PRKN: variants seen among roughly 807,000 people sequenced by gnomAD.
PRKN encodes E3 ubiquitin-protein ligase parkin.
Under a neutral mutation model 59.5 loss-of-function variants are expected in PRKN, and 56 were observed. That is an observed-to-expected ratio of 0.94 (90% confidence interval 0.76 to 1.18). PRKN has a LOEUF of 1.18. PRKN is among the 50% of genes most tolerant of loss of function. The pLI, the probability that PRKN is intolerant of heterozygous loss-of-function variation, is 0.00. For synonymous variants in PRKN, 250 were observed against 222.1 expected (o/e 1.13, Z -1.12); for missense variants, 657 against 596.4 (o/e 1.10, Z -1.06).
chr6:162,503,042 T>C (rs145639743), intron 1 of PRKN, among the ~76,000 whole-genome samples: 201 of 152,030 alleles, frequency 1.3e-3, no homozygotes, highest in African/African-American at 4.6e-3. Flanking sequence ...TGGACTGTTT[T>C]TGAAGCATCA....
intron 1 of PRKN, among the ~76,000 whole-genome samples, chr6:162,472,973 C>G (rs913880846): frequency 6.6e-6 from 1 of 151,676 alleles, no homozygotes; most frequent in Non-Finnish European, 1.5e-5. Context: ...CATGGTTATT[C>G]AATTAAGGAA....
At position 161,551,211 on chromosome 6, in the gene PRKN, C is replaced by A. The variant is rs960523085; in HGVS notation, c.934-2208G>T. On this transcript the variant is annotated intron_variant, in intron 8 of 11. Transcript: ENST00000366898. This position sits in a 1 kb window ranked among gnomAD's most constrained non-coding sequence, Gnocchi z 5.2. ...AGAGATTGCCTGTGAGTGATTACTG[C>A]ATAGATTTCTTAGAGGCTTCATACA... Among the ~76,000 whole-genome samples, 1 of 152,168 alleles carries A rather than the reference C, an allele frequency of 6.6e-6. No individual in the cohort carries two copies. The highest frequency in any genetic ancestry group is 1.5e-5 in the Non-Finnish European group (1 of 68,034).
chr6:161,532,685 A>G (rs1324771739), intron 9 of PRKN, among the ~76,000 whole-genome samples: 1 of 152,182 alleles, frequency 6.6e-6, no homozygotes, highest in African/African-American at 2.4e-5. Context: ...GAGACGGGAG[A>G]GACGCCCACG....
chr6:162,417,682 C>A (rs1788703877), intron 2 of PRKN, among the ~76,000 whole-genome samples: 1 of 152,220 alleles, frequency 6.6e-6, no homozygotes, highest in Admixed American at 6.5e-5. Context: ...CTGTGCCCGA[C>A]TGTGTAACAA....
At position 162,066,386 on chromosome 6, in the gene PRKN, A is replaced by G. The variant is rs189851142; in HGVS notation, c.535-12212T>C. Among the ~76,000 whole-genome samples, 326 of 152,340 alleles carry G rather than the reference A, an allele frequency of 2.1e-3. 2 individuals carry two copies. The highest frequency in any genetic ancestry group is 6.8e-3 in the Admixed American group (104 of 15,300). ...GAAACACATATTAGCTGTGGCTAAC[A>G]TATATGTTCATTAGAACACATATAT... On this transcript the variant is annotated intron_variant, in intron 4 of 11. Transcript: ENST00000366898.
At chr6:162,395,178 T>C (rs1255270701) in intron 2 of PRKN, among the ~76,000 whole-genome samples, 2 of 152,206 alleles carry the variant, frequency 1.3e-5, no homozygotes, top group East Asian at 3.8e-4. Context: ...GTAGTCATAC[T>C]CTAGCATAAT....
rs1351140000 is a variant in PRKN, at chr6:162,056,514, G to T, written c.535-2340C>A. On this transcript the variant is annotated intron_variant, in intron 4 of 11. Transcript: ENST00000366898. The surrounding 1 kb of genome is among the most constrained non-coding windows in gnomAD (Gnocchi z 4.9). ...CAGACTTCAAAAGGAGCTGCATCTGGGATCCACCGATCATTAATCCAAAGG... is the reference window on the plus strand; with the variant it reads ...CAGACTTCAAAAGGAGCTGCATCTGTGATCCACCGATCATTAATCCAAAGG... Among the ~76,000 whole-genome samples the T allele has an allele frequency of 1.3e-5, 2 of 152,128 alleles. No homozygotes were observed. The highest frequency in any genetic ancestry group is 4.8e-5 in the African/African-American group (2 of 41,430).
At chr6:162,615,460 A>G (rs1782368509) in intron 1 of PRKN, among the ~76,000 whole-genome samples, 1 of 151,028 alleles carries the variant, frequency 6.6e-6, no homozygotes, top group African/African-American at 2.4e-5. Flanking sequence ...TTTTTTTTAG[A>G]CCTGCACACA....
intron 1 of PRKN, among the ~76,000 whole-genome samples, chr6:162,621,945 G>GTCCCATATAC (rs1782685588): frequency 6.6e-6 from 1 of 152,090 alleles, no homozygotes; most frequent in Non-Finnish European, 1.5e-5. Context: ...CTTCCAAGGA[G>GTCCCATATAC]CTGGGACTAC....
chr6:162,518,452 G>T (rs965613227), intron 1 of PRKN, among the ~76,000 whole-genome samples: 10 of 152,118 alleles, frequency 6.6e-5, no homozygotes, highest in Non-Finnish European at 1.5e-5. Context: ...TGCAACCTCT[G>T]CCTCCCAGGT....
chr6:161,965,639 T>G (rs966288106), intron 6 of PRKN, among the ~76,000 whole-genome samples: 1 of 152,044 alleles, frequency 6.6e-6, no homozygotes, highest in Non-Finnish European at 1.5e-5. Context: ...GGGGCACAGC[T>G]TGGTTTTATA....
chr6:162,500,722 T>C (rs1301269874), intron 1 of PRKN, among the ~76,000 whole-genome samples: 1 of 152,222 alleles, frequency 6.6e-6, no homozygotes, highest in Non-Finnish European at 1.5e-5. Context: ...ATCTTTTTCT[T>C]AATGAATACA....
chr6:161,529,751 A>T lies in PRKN; in HGVS notation c.1083+19103T>A, dbSNP rs188850020. On this transcript the variant is annotated intron_variant, in intron 9 of 11. Coordinates refer to ENST00000366898, the MANE Select transcript of PRKN (RefSeq NM_004562.3). This position sits in a 1 kb window ranked among gnomAD's most constrained non-coding sequence, Gnocchi z 4.4. The stretch of plus-strand genomic sequence containing the variant: ...AAAGATTTATAAACATTATTGGTAC[A>T]ACTGATTTTTGTCTCTGGCTGGAAA... Among the ~76,000 whole-genome samples the T allele has an allele frequency of 6.6e-6, 1 of 152,334 alleles. No individual in the cohort carries two copies. Among genetic ancestry groups the T allele is most frequent in the Admixed American group, 6.5e-5 (1 of 15,302 alleles).
rs189421837 is a variant in PRKN, at chr6:162,615,541, G to T, written c.7+112121C>A. 1.0e-3 allele frequency among the ~76,000 whole-genome samples: 153 copies of T among 152,144 alleles called. 1 individual carries two copies. The highest frequency in any genetic ancestry group is 6.8e-3 in the Middle Eastern group (2 of 294). On this transcript the variant is annotated intron_variant, in intron 1 of 11. Coordinates refer to ENST00000366898, the MANE Select transcript of PRKN (RefSeq NM_004562.3). ...GGAAGGAGCACAGAAGGTCTCTGAT[G>T]CAATGCACATGCCACCCCAGCAAGG...
At chr6:162,622,810 C>T (rs1782730332) in intron 1 of PRKN, among the ~76,000 whole-genome samples, 1 of 152,150 alleles carries the variant, frequency 6.6e-6, no homozygotes, top group African/African-American at 2.4e-5. Flanking sequence ...AGCAGGCAGG[C>T]AGGCTGGTGA....
At chr6:162,501,931 T>C (rs577944957) in intron 1 of PRKN, among the ~76,000 whole-genome samples, 2 of 152,212 alleles carry the variant, frequency 1.3e-5, no homozygotes, top group Non-Finnish European at 2.9e-5. Context: ...ACACATGATA[T>C]ATTGATGTAA....
At chr6:162,417,619 T>A (rs756015705) in intron 2 of PRKN, among the ~76,000 whole-genome samples, 2 of 152,210 alleles carry the variant, frequency 1.3e-5, no homozygotes, top group Non-Finnish European at 2.9e-5. Flanking sequence ...GAGGGCCAGA[T>A]GGTACCCTTT....
At chr6:162,203,667 TA>T (rs1784825821) in intron 3 of PRKN, among the ~76,000 whole-genome samples, 1 of 152,156 alleles carries the variant, frequency 6.6e-6, no homozygotes, top group South Asian at 2.1e-4. Context: ...TCATAACTCT[TA>T]GAGGAATGGC....
intron 2 of PRKN, among the ~76,000 whole-genome samples, chr6:162,383,866 C>T (rs779920982): frequency 6.6e-6 from 1 of 152,218 alleles, no homozygotes; most frequent in South Asian, 2.1e-4. Context: ...GCACTTGCTG[C>T]TTCACCTTAC....
Sources: allele counts gnomAD v4.1 joint callset (sites outside exome capture counted in the v4.1 genomes callset), GRCh38; gene constraint gnomAD v4.1.1; non-coding constraint Gnocchi (gnomAD v3.1); transcripts MANE v1.5; gene names NCBI Gene and HGNC (gene_info 2026-07-23, HGNC 2026-07-21).